The following ABCB4 variants were observed in gnomAD, a reference collection of about 807,000 sequenced individuals.
The protein encoded by ABCB4 is phosphatidylcholine translocator ABCB4.
A neutral mutation model predicts 145.7 loss-of-function variants in ABCB4; 76 were observed. That is an observed-to-expected ratio of 0.52 (90% CI 0.43 to 0.63). The LOEUF is 0.63. ABCB4 is among the 30% of genes least tolerant of loss of function. ABCB4 has a pLI of 0.00. For missense variants in ABCB4, 1,234 were observed against 1,553.1 expected (o/e 0.79, Z 3.45); for synonymous variants, 517 against 566.8 (o/e 0.91, Z 1.25).
At position 87,439,652 on chromosome 7, in the gene ABCB4, T is replaced by G; in HGVS notation, c.1731+15A>C. 1.2e-6 allele frequency: 2 copies of G among 1,614,148 alleles called. No homozygotes were observed. Among genetic ancestry groups the G allele is most frequent in the Non-Finnish European group, 1.7e-6 (2 of 1,179,986 alleles). Reference sequence around the variant, plus strand: ...TTCAATGTGGTGGTCCTTCAGCTTTTTAGAGTCTACTGACCTTATCCAGAG... The same window carrying G: ...TTCAATGTGGTGGTCCTTCAGCTTTGTAGAGTCTACTGACCTTATCCAGAG... On this transcript the variant is annotated intron_variant, in intron 14 of 27. Transcript: ENST00000649586.
At chr7:87,459,916 T>C (rs1236063462) in intron 4 of ABCB4, among the ~76,000 whole-genome samples, 2 of 152,178 alleles carry the variant, frequency 1.3e-5, no homozygotes, top group African/African-American at 4.8e-5. Context: ...GGTTTGAAGA[T>C]CAGGAAATGT....
rs1809309128 is a variant in ABCB4 at position 87,420,092 on chromosome 7, G to A, written c.2317-17C>T. On this transcript the variant is annotated splice_polypyrimidine_tract_variant and intron_variant, in intron 18 of 27. Transcript: ENST00000649586. ...CGTGAAACCCTGGTTGAGAAAAAAG[G>A]CTATGGTCTCTTTTGATCTTTATGT... The A allele has an allele frequency of 6.2e-7, 1 of 1,612,426 alleles. No homozygotes were observed. The highest frequency in any genetic ancestry group is 1.3e-5 in the African/African-American group (1 of 74,988).
chr7:87,431,501 A>G lies in ABCB4; in HGVS notation c.1796T>C (p.Val599Ala). ...HRLSTVRNAD[V>A]IAGFEDGVIV... ...TACTCCATCCTCAAACCCAGCGATG[A>G]CATCTGCATTTCGGACCGTAGACAG... Residue 599 changes from valine to alanine, a missense_variant, in exon 15 of 28, where the codon GTC becomes GCC. Around this residue, in one of 7 missense-constraint regions of ABCB4, gnomAD observed 321 missense variants for 332.6 expected, o/e 0.97. Transcript: ENST00000649586. The G allele has an allele frequency of 6.2e-7, 1 of 1,614,156 alleles. No individual in the cohort carries two copies. The highest frequency in any genetic ancestry group is 8.5e-7 in the Non-Finnish European group (1 of 1,180,000).
At position 87,420,058 on chromosome 7, in the gene ABCB4, T is replaced by C; in HGVS notation, c.2334A>G (p.Lys778=). The change falls in exon 19 of 28, where the codon AAA becomes AAG. Residue 778 remains lysine, a synonymous_variant. Coordinates refer to ENST00000649586, the MANE Select transcript of ABCB4 (RefSeq NM_000443.4). Reference sequence around the variant, plus strand: ...GTCTTCTGGTGAGGATCTCGCCAGCTTTCCCAAACGTGAAACCCTGGTTGA... The same window carrying C: ...GTCTTCTGGTGAGGATCTCGCCAGCCTTCCCAAACGTGAAACCCTGGTTGA... The part of the protein sequence containing the change: ...TFFLQGFTFG[K]AGEILTRRLR... 6.2e-7 allele frequency: 1 copy of C among 1,614,098 alleles called. No individual in the cohort carries two copies. The highest frequency in any genetic ancestry group is 8.5e-7 in the Non-Finnish European group (1 of 1,179,978).
At chr7:87,416,632 G>C (rs1167340601) in intron 21 of ABCB4, among the ~76,000 whole-genome samples, 1 of 152,132 alleles carries the variant, frequency 6.6e-6, no homozygotes, top group Non-Finnish European at 1.5e-5. Flanking sequence ...CCATATAGTA[G>C]AGGTAAGAGC....
At chr7:87,399,835 G>GTAAT (rs1807703484), downstream of ABCB4, 1 of 152,126 alleles carries the variant, frequency 6.6e-6, no homozygotes, top group South Asian at 2.1e-4. Flanking sequence ...ATATTGCTGT[G>GTAAT]TAATTAACCA....
At chr7:87,388,349 G>A in the ABCB4 span, among the ~76,000 whole-genome samples, 1 of 152,024 alleles carries the variant, frequency 6.6e-6, no homozygotes, top group Non-Finnish European at 1.5e-5. Flanking sequence ...AAAAACTGGA[G>A]GTATCATGCT....
the ABCB4 span, chr7:87,375,436 A>T: frequency 2.0e-6 from 1 of 506,600 alleles, no homozygotes; most frequent in Non-Finnish European, 3.5e-6. Context: ...ATTATTGTCA[A>T]ATATGCTTTT....
chr7:87,384,065 C>T, the ABCB4 span, among the ~76,000 whole-genome samples: 3 of 152,018 alleles, frequency 2.0e-5, no homozygotes, highest in African/African-American at 7.3e-5. Context: ...CCCTTTTCTC[C>T]ACATCTTTGC....
the ABCB4 span, among the ~76,000 whole-genome samples, chr7:87,385,541 A>G: frequency 6.6e-6 from 1 of 152,188 alleles, no homozygotes; most frequent in East Asian, 1.9e-4. Context: ...TGTTGATTTT[A>G]TATCTTGCAA....
chr7:87,452,127 T>C lies in ABCB4; in HGVS notation c.537-333A>G, dbSNP rs892259830. Among the ~76,000 whole-genome samples the C allele has an allele frequency of 1.3e-5, 2 of 152,244 alleles. 1 individual carries two copies. Among genetic ancestry groups the C allele is most frequent in the South Asian group, 4.1e-4 (2 of 4,826 alleles). ...ACATTGCAACAATAATAAGCAACAG[T>C]AGTAGGGAAGTATTACTGCATTTCT... On this transcript the variant is annotated intron_variant, in intron 6 of 27. Transcript: ENST00000649586.
At chr7:87,366,622 A>C in the ABCB4 span, among the ~76,000 whole-genome samples, 1 of 152,148 alleles carries the variant, frequency 6.6e-6, no homozygotes, top group African/African-American at 2.4e-5. Context: ...TTTACAGTTT[A>C]ATGATGCTAC....
At chr7:87,393,151 G>C in the ABCB4 span, 2 of 1,395,116 alleles carry the variant, frequency 1.4e-6, no homozygotes, top group Non-Finnish European at 2.0e-6. Context: ...CCTACACTGT[G>C]ATTCTTATAT....
intron 6 of ABCB4, chr7:87,452,721 T>C: frequency 1.7e-6 from 1 of 596,698 alleles, no homozygotes; most frequent in South Asian, 2.0e-5. Flanking sequence ...AGGTATAAGA[T>C]GTGAATTCAG....
At chr7:87,466,712 T>C (rs1812930653) in intron 3 of ABCB4, among the ~76,000 whole-genome samples, 1 of 152,138 alleles carries the variant, frequency 6.6e-6, no homozygotes, top group Non-Finnish European at 1.5e-5. Flanking sequence ...CGGCAGAAAC[T>C]CTACAAGCCA....
chr7:87,408,417 T>C (rs117082101), intron 24 of ABCB4, among the ~76,000 whole-genome samples, 183 bp from the exon 25 acceptor site: 3 of 152,292 alleles, frequency 2.0e-5, no homozygotes, highest in Non-Finnish European at 4.4e-5. Context: ...AGGTGAGAGA[T>C]AGGGGTATAG....
At chr7:87,369,229 A>T in the ABCB4 span, 1 of 505,338 alleles carries the variant, frequency 2.0e-6, no homozygotes, top group Non-Finnish European at 3.6e-6. Context: ...TTCCATTAAT[A>T]CATTATTTTT....
intron 4 of ABCB4, among the ~76,000 whole-genome samples, chr7:87,458,291 G>T (rs1386741170): frequency 6.6e-6 from 1 of 152,180 alleles, no homozygotes; most frequent in Non-Finnish European, 1.5e-5. Flanking sequence ...GCAGAATGTT[G>T]TGTGCATACT....
intron 18 of ABCB4, 129 bp from the exon 19 acceptor site, chr7:87,420,204 G>T: frequency 1.2e-6 from 1 of 821,022 alleles, no homozygotes; most frequent in Non-Finnish European, 2.1e-6. Context: ...CTCAAGTCAT[G>T]TTAATAACCT....
Sources: allele counts gnomAD v4.1 joint callset (sites outside exome capture counted in the v4.1 genomes callset), GRCh38; gene constraint gnomAD v4.1.1; regional missense constraint gnomAD v4.1.1; transcripts MANE v1.5; gene names NCBI Gene and HGNC (gene_info 2026-07-23, HGNC 2026-07-21).